RAB27B: variants seen among roughly 807,000 people sequenced by gnomAD.
The protein encoded by RAB27B is RAB27B, member RAS oncogene family.
In RAB27B, 15 loss-of-function variants were observed where a neutral mutation model predicts 24.6. The ratio of observed to expected loss-of-function variants is 0.61; its 90% CI spans 0.41 to 0.94. The LOEUF is 0.94. RAB27B is among the 40% of genes least tolerant of loss of function. The pLI is 0.00. For synonymous variants in RAB27B, 105 were observed against 92.5 expected, an observed-to-expected ratio of 1.14 and a Z score of -0.78; for missense variants, 261 against 266.8, an observed-to-expected ratio of 0.98 and a Z score of 0.15.
chr18:54,785,990 T>A (rs1416056320), intron 2 of RAB27B, among the ~76,000 whole-genome samples: 3 of 152,250 alleles, frequency 2.0e-5, no homozygotes, highest in Non-Finnish European at 4.4e-5. Flanking sequence ...TGACTGATAC[T>A]TTCCAAAACC....
At chr18:54,824,247 C>T (rs557470754), upstream of RAB27B, among the ~76,000 whole-genome samples, 6 of 152,250 alleles carry the variant, frequency 3.9e-5, no homozygotes, top group East Asian at 7.7e-4. Flanking sequence ...TTTTTTCTTG[C>T]AACTTTTTGT....
Position 54,893,900 on chromosome 18 carries a change from C to A in RAB27B, c.*4487C>A, listed in dbSNP as rs181634199. ...GTCCGAATAAAGAAAGACCTAGTAA[C>A]AGATAGTTTTTTTTTGTTCATTTTC... On this transcript the variant is annotated 3_prime_UTR_variant, in exon 6 of 6. Transcript: ENST00000262094. 6.6e-6 allele frequency: 1 copy of A among 152,028 alleles called. No individual in the cohort carries two copies. The highest frequency in any genetic ancestry group is 2.4e-5 in the African/African-American group (1 of 41,528). The allele number at this position is 152,028 out of a possible 1,614,324, so 9.4% of individuals were successfully genotyped here.
chr18:54,826,410 C>A (rs1054356666), upstream of RAB27B, among the ~76,000 whole-genome samples: 1 of 152,272 alleles, frequency 6.6e-6, no homozygotes, highest in South Asian at 2.1e-4. Flanking sequence ...TCTCTTATGT[C>A]TTCCTACTCT....
intron 1 of RAB27B, among the ~76,000 whole-genome samples, chr18:54,872,885 G>A (rs542261352): frequency 8.5e-4 from 130 of 152,232 alleles, no homozygotes; most frequent in Non-Finnish European, 1.1e-3. Context: ...GGCAGCCACT[G>A]AGCTGAGCTC....
intron 4 of RAB27B, 92 bp downstream of exon 4, chr18:54,884,528 C>G (rs1913055392): frequency 2.6e-6 from 2 of 783,628 alleles, no homozygotes; most frequent in Non-Finnish European, 4.3e-6. Context: ...AGATTGGGTA[C>G]CACAGATTAA....
chr18:54,816,968 C>A (rs1198204826), intron 2 of RAB27B, among the ~76,000 whole-genome samples: 2 of 151,984 alleles, frequency 1.3e-5, no homozygotes, highest in Admixed American at 1.3e-4. Flanking sequence ...TTGCTATAGA[C>A]TATTTTATTG....
chr18:54,797,676 T>C (rs1451727490), intron 2 of RAB27B, among the ~76,000 whole-genome samples: 1 of 152,142 alleles, frequency 6.6e-6, no homozygotes, highest in Non-Finnish European at 1.5e-5. Flanking sequence ...AATGAGCAAA[T>C]ATTAAAGGAT....
At chr18:54,795,365 C>T (rs565678627) in intron 2 of RAB27B, among the ~76,000 whole-genome samples, 50 of 152,154 alleles carry the variant, frequency 3.3e-4, no homozygotes, top group Admixed American at 6.5e-4. Context: ...TGATCTAGGT[C>T]CTCGCCACAC....
At chr18:54,778,386 CA>C (rs1328518341) in intron 2 of RAB27B, among the ~76,000 whole-genome samples, 1 of 152,162 alleles carries the variant, frequency 6.6e-6, no homozygotes, top group East Asian at 1.9e-4. Context: ...CTTTGAGTCA[CA>C]AAGTTCTGCA....
intron 2 of RAB27B, among the ~76,000 whole-genome samples, chr18:54,726,659 T>C (rs192055965): frequency 6.6e-6 from 1 of 151,820 alleles, no homozygotes; most frequent in East Asian, 1.9e-4. Context: ...TCTACAGTAA[T>C]AATACTGGAG....
intron 2 of RAB27B, among the ~76,000 whole-genome samples, chr18:54,792,322 C>A (rs777153663): frequency 1.6e-4 from 24 of 152,142 alleles, no homozygotes; most frequent in Non-Finnish European, 2.9e-4. Context: ...AACAAGGGAA[C>A]CTTTCGCCTT....
At chr18:54,799,345 T>C (rs2145126249) in intron 2 of RAB27B, among the ~76,000 whole-genome samples, 1 of 152,268 alleles carries the variant, frequency 6.6e-6, no homozygotes, top group East Asian at 1.9e-4. Context: ...GAGAAACAAG[T>C]AAATCAACTG....
At chr18:54,728,902 C>CAAAAAA (rs1568044214) in intron 2 of RAB27B, among the ~76,000 whole-genome samples, 1 of 40,574 alleles carries the variant, frequency 2.5e-5, no homozygotes, top group African/African-American at 8.0e-5. Context: ...AAAAAAAAAC[C>CAAAAAA]CAAAAAAAAA....
At chr18:54,723,984 C>A (rs536410935) in intron 2 of RAB27B, among the ~76,000 whole-genome samples, 1 of 152,156 alleles carries the variant, frequency 6.6e-6, no homozygotes, top group African/African-American at 2.4e-5. Flanking sequence ...TGTTGGATGG[C>A]GCCAGAACCA....
At chr18:54,742,626 G>A (rs1188454156) in intron 2 of RAB27B, among the ~76,000 whole-genome samples, 1 of 152,144 alleles carries the variant, frequency 6.6e-6, no homozygotes, top group Non-Finnish European at 1.5e-5. Context: ...AAGTAATTAT[G>A]AGAACAAGTG....
upstream of RAB27B, among the ~76,000 whole-genome samples, chr18:54,827,352 T>TAC (rs1568082980): frequency 2.0e-5 from 3 of 152,108 alleles, no homozygotes; most frequent in East Asian, 3.9e-4. Context: ...AATAACACTA[T>TAC]GAAGACATTA....
intron 1 of RAB27B, among the ~76,000 whole-genome samples, chr18:54,841,355 A>T (rs1009394698): frequency 3.3e-5 from 5 of 152,214 alleles, no homozygotes; most frequent in Non-Finnish European, 5.9e-5. Context: ...AACTAGTTAC[A>T]TAGCATTTAC....
In RAB27B at chr18:54,893,078, A is replaced by C. The variant is rs1321586617; in HGVS notation, c.*3665A>C. On this transcript the variant is annotated 3_prime_UTR_variant, in exon 6 of 6. Coordinates refer to ENST00000262094, the MANE Select transcript of RAB27B (RefSeq NM_004163.4). ...TGGAGTGAGTGCAGCAGTTAGAAAGAGAAGCAATATTGTGCAACTGGTGCA... is the reference window on the plus strand; with the variant it reads ...TGGAGTGAGTGCAGCAGTTAGAAAGCGAAGCAATATTGTGCAACTGGTGCA... The C allele has an allele frequency of 6.6e-6, 1 of 152,086 alleles. No homozygotes were observed. The highest frequency in any genetic ancestry group is 1.5e-5 in the Non-Finnish European group (1 of 67,954). The allele number at this position is 152,086 out of a possible 1,614,324, so 9.4% of individuals were successfully genotyped here.
chr18:54,806,618 A>T (rs546671750), intron 2 of RAB27B, among the ~76,000 whole-genome samples: 3 of 150,200 alleles, frequency 2.0e-5, no homozygotes, highest in African/African-American at 7.3e-5. Flanking sequence ...TTTATGTTTG[A>T]TATTGTATCA....
Sources: allele counts gnomAD v4.1 joint callset (sites outside exome capture counted in the v4.1 genomes callset), GRCh38; gene constraint gnomAD v4.1.1; transcripts MANE v1.5; gene names NCBI Gene and HGNC (gene_info 2026-07-23, HGNC 2026-07-21).